The following ACBD5 variants were observed in gnomAD, a reference collection of about 807,000 sequenced individuals.
ACBD5 encodes acyl-CoA-binding domain-containing protein 5.
A neutral mutation model predicts 71.8 loss-of-function variants in ACBD5; 40 were observed. The ratio of observed to expected loss-of-function variants is 0.56; its 90% CI spans 0.43 to 0.72. The LOEUF is 0.72. Among genes scored for constraint, ACBD5 ranks in the 30% least tolerant of loss-of-function variants. The pLI is 0.00. For missense variants in ACBD5, 559 were observed against 644.5 expected (o/e 0.87, Z 1.44); for synonymous variants, 229 against 218.6 (o/e 1.05, Z -0.42).
intron 4 of ACBD5, among the ~76,000 whole-genome samples, chr10:27,228,813 ATATTTT>A (rs1362277855): frequency 8.1e-3 from 62 of 7,608 alleles, no homozygotes; most frequent in African/African-American, 0.015. Context: ...ATATATATAT[ATATTTT>A]TTTTTTTTTT....
rs1239740059 is a variant in ACBD5 at position 27,196,431 on chromosome 10, C to T, written c.*999G>A. ...ATTTGGCCCGTTAGCTTGCAAATCC[C>T]TCCAGTACTCCTGTGAAGTAGGTGT... On this transcript the variant is annotated 3_prime_UTR_variant, in exon 13 of 13. Coordinates refer to ENST00000396271, the MANE Select transcript of ACBD5 (RefSeq NM_145698.5). 2.2e-6 allele frequency: 1 copy of T among 454,448 alleles called. No homozygotes were observed. Among genetic ancestry groups the T allele is most frequent in the South Asian group, 1.6e-5 (1 of 64,472 alleles). The allele number at this position is 454,448 out of a possible 1,614,324, so 28.2% of individuals were successfully genotyped here.
At chr10:27,228,815 A>ATATATTTTT (rs1554856598) in intron 4 of ACBD5, among the ~76,000 whole-genome samples, 1 of 20,362 alleles carries the variant, frequency 4.9e-5, no homozygotes, top group Non-Finnish European at 1.3e-4. Context: ...ATATATATAT[A>ATATATTTTT]TTTTTTTTTT....
chr10:27,214,209 A>C (rs1241313207), intron 8 of ACBD5, among the ~76,000 whole-genome samples: 2 of 152,204 alleles, frequency 1.3e-5, no homozygotes, highest in Non-Finnish European at 2.9e-5. Context: ...ACTTTGTTGT[A>C]CATTTTAGAA....
chr10:27,226,601 G>A (rs963393279), intron 4 of ACBD5, among the ~76,000 whole-genome samples: 2 of 151,616 alleles, frequency 1.3e-5, no homozygotes, highest in Admixed American at 6.6e-5. Context: ...GGCCCAAGAC[G>A]GCTTTAAATA....
intron 2 of ACBD5, among the ~76,000 whole-genome samples, chr10:27,236,113 C>CA (rs138918182): frequency 1.4e-5 from 2 of 138,412 alleles, no homozygotes; most frequent in African/African-American, 2.7e-5. Context: ...GACCCTGTCT[C>CA]AAAAAAAAAA....
upstream of ACBD5, among the ~76,000 whole-genome samples, chr10:27,241,209 A>T (rs1273241731): frequency 2.0e-5 from 3 of 152,164 alleles, no homozygotes; most frequent in Admixed American, 1.3e-4. Flanking sequence ...GAGGAAGTTA[A>T]ATGGGGCCTA....
chr10:27,196,260 A>C lies in ACBD5; in HGVS notation c.*1170T>G, dbSNP rs1427230506. The C allele has an allele frequency of 2.2e-6, 1 of 453,996 alleles. No homozygotes were observed. Among genetic ancestry groups the C allele is most frequent in the Non-Finnish European group, 4.4e-6 (1 of 226,788 alleles). The allele number at this position is 453,996 out of a possible 1,614,324, so 28.1% of individuals were successfully genotyped here. ...AAGAAATCTTCAAAGCACAAGGTAC[A>C]TCTAAGTGAGCAGGAAGTTTTGGAA... is the stretch of plus-strand genomic sequence containing the variant. On this transcript the variant is annotated 3_prime_UTR_variant, in exon 13 of 13. Transcript: ENST00000396271.
rs1267817068 is a variant in ACBD5, at chr10:27,218,034, GCTTTA to G, written c.770_774del (p.Val257AlafsTer3). 6.2e-7 allele frequency: 1 copy of G among 1,614,078 alleles called. No individual in the cohort carries two copies. Among genetic ancestry groups the G allele is most frequent in the Admixed American group, 1.7e-5 (1 of 60,002 alleles). Reference sequence around the variant, plus strand: ...GTTTGCCCCAAGTTTTCATCAATGGGCTTTACTTCTTCAGTGCTTCTGCCATTCAG... The same window carrying G: ...GTTTGCCCCAAGTTTTCATCAATGGGCTTCTTCAGTGCTTCTGCCATTCAG... On this transcript the variant is annotated frameshift_variant, in exon 7 of 13. Coordinates refer to ENST00000396271, the MANE Select transcript of ACBD5 (RefSeq NM_145698.5). LOFTEE classifies it high-confidence loss of function.
In ACBD5 at chr10:27,195,886, T is replaced by C. The variant is rs917276261; in HGVS notation, c.*1544A>G. The C allele has an allele frequency of 2.0e-5, 9 of 453,550 alleles. No homozygotes were observed. The highest frequency in any genetic ancestry group is 8.0e-5 in the African/African-American group (4 of 49,994). The allele number at this position is 453,550 out of a possible 1,614,324, so 28.1% of individuals were successfully genotyped here. A position where few individuals can be genotyped will look rare whatever the true frequency, so the allele number is the denominator to read the frequency against. ...ACATATGATGTTAAACCCAACATCA[T>C]ACATCTTGAGAATGCTTAAAAATTA... On this transcript the variant is annotated 3_prime_UTR_variant, in exon 13 of 13. Transcript: ENST00000396271.
chr10:27,186,566 G>T (rs199527702), intron 13 of ACBD5: 1 of 1,569,114 alleles, frequency 6.4e-7, no homozygotes, highest in African/African-American at 1.3e-5. Flanking sequence ...GTCTAGCCTT[G>T]TGTTATAGAA....
In ACBD5 at chr10:27,236,152, G is replaced by A. The variant is rs1260838161; in HGVS notation, c.182-940C>T. Among the ~76,000 whole-genome samples the A allele has an allele frequency of 7.9e-5, 12 of 151,494 alleles. 1 individual carries two copies. The highest frequency in any genetic ancestry group is 1.5e-5 in the Non-Finnish European group (1 of 67,952). On this transcript the variant is annotated intron_variant, in intron 2 of 12. Transcript: ENST00000396271. ...AAAAAATCAAATTGTATAAGCAAGT[G>A]CTATAAGTTGCAGTATTCTCAATAA... is the stretch of plus-strand genomic sequence containing the variant.
At chr10:27,184,554 ATTTTTTTTTTTT>A (rs752147433) in intron 13 of ACBD5, among the ~76,000 whole-genome samples, 1 of 84,848 alleles carries the variant, frequency 1.2e-5, no homozygotes, top group African/African-American at 4.7e-5. Context: ...TATAAGAAGG[ATTTTTTTTTTTT>A]TTTTTTTTTT....
intron 4 of ACBD5, among the ~76,000 whole-genome samples, chr10:27,228,576 C>CAA (rs1200555034): frequency 7.0e-6 from 1 of 142,084 alleles, no homozygotes. Flanking sequence ...GACTCCGTCT[C>CAA]AAAAAAAAAA....
Position 27,240,569 on chromosome 10 carries a change from GC to G in ACBD5, c.16-86del, listed in dbSNP as rs2065362948. 6.4e-7 allele frequency: 1 copy of G among 1,551,242 alleles called. No individual in the cohort carries two copies. Among genetic ancestry groups the G allele is most frequent in the Admixed American group, 2.0e-5 (1 of 50,990 alleles). On this transcript the variant is annotated intron_variant, in intron 1 of 12. Transcript: ENST00000396271. The surrounding 1 kb of genome is among the most constrained non-coding windows in gnomAD (Gnocchi z 4.1). ...AAGCGGGTCAGTTCCCCTTTGCCCT[GC>G]CCTATCCAGGCCACACAGATCGAAG...
Position 27,219,460 on chromosome 10 carries a change from A to G in ACBD5, c.625+263T>C, listed in dbSNP as rs788212. 0.18 allele frequency among the ~76,000 whole-genome samples: 27,062 copies of G among 152,182 alleles called. 2,950 individuals are homozygous for G. The highest frequency in any genetic ancestry group is 0.32 in the East Asian group (1,669 of 5,174). The stretch of plus-strand genomic sequence containing the variant: ...AACACTTTAAAATAGCACATGTCTA[A>G]TGCAGCATTTCAGGCCATCCATTTG... On this transcript the variant is annotated intron_variant, in intron 6 of 12. Coordinates refer to ENST00000396271, the MANE Select transcript of ACBD5 (RefSeq NM_145698.5).
chr10:27,203,844 C>T (rs907004394), intron 12 of ACBD5, among the ~76,000 whole-genome samples: 1 of 151,790 alleles, frequency 6.6e-6, no homozygotes, highest in Non-Finnish European at 1.5e-5. Flanking sequence ...CCTATGTTGC[C>T]CAGGCTAGTC....
At chr10:27,189,579 A>C (rs1211379454) in intron 13 of ACBD5, among the ~76,000 whole-genome samples, 1 of 129,746 alleles carries the variant, frequency 7.7e-6, no homozygotes, top group Non-Finnish European at 1.6e-5. Context: ...CAATGAGAAC[A>C]CATGGACATA....
rs1048363847 is a variant in ACBD5, at chr10:27,196,507, A to G, written c.*923T>C. On this transcript the variant is annotated 3_prime_UTR_variant, in exon 13 of 13. Coordinates refer to ENST00000396271, the MANE Select transcript of ACBD5 (RefSeq NM_145698.5). ...AAAACTGAGGCACTAAGAGGTTAAG[A>G]GTCCAGTCTATATAGTTCATCAGTT... 3.1e-5 allele frequency: 14 copies of G among 454,200 alleles called. No individual in the cohort carries two copies. The highest frequency in any genetic ancestry group is 2.8e-4 in the African/African-American group (14 of 49,914). The allele number at this position is 454,200 out of a possible 1,614,324, so 28.1% of individuals were successfully genotyped here. A position where few individuals can be genotyped will look rare whatever the true frequency, so the allele number is the denominator to read the frequency against.
intron 4 of ACBD5, among the ~76,000 whole-genome samples, chr10:27,225,031 CA>C (rs1326198204): frequency 2.0e-5 from 3 of 146,932 alleles, no homozygotes; most frequent in African/African-American, 2.5e-5. Context: ...ACTCTGTTTC[CA>C]AAAAAAAAGA....
Sources: gnomAD v4.1 joint callset for allele counts (sites outside exome capture counted in the v4.1 genomes callset) on GRCh38, gnomAD v4.1.1 for gene constraint, Gnocchi (gnomAD v3.1) non-coding constraint, MANE v1.5 for transcripts, NCBI Gene and HGNC (gene_info 2026-07-23, HGNC 2026-07-21) for gene names.